Variants in RAVER1 observed in about 807,000 individuals in gnomAD.
The protein encoded by RAVER1 is ribonucleoprotein PTB-binding 1.
Under a neutral mutation model 68.4 loss-of-function variants are expected in RAVER1, and 36 were observed. The ratio of observed to expected loss-of-function variants is 0.53; its 90% CI spans 0.40 to 0.70. The LOEUF (loss-of-function observed/expected upper bound fraction) is 0.70. Ranked by LOEUF, RAVER1 falls within the 30% of genes least tolerant of loss-of-function variation. The pLI, the probability that RAVER1 is intolerant of heterozygous loss-of-function variation, is 0.00. For synonymous variants in RAVER1, 469 were observed against 472.7 expected, an observed-to-expected ratio of 0.99 and a Z score of 0.10; for missense variants, 933 against 1,019.8, an observed-to-expected ratio of 0.91 and a Z score of 1.16.
chr19:10,325,946 T>A (rs1444270803), intron 3 of RAVER1, among the ~76,000 whole-genome samples: 3 of 152,040 alleles, frequency 2.0e-5, no homozygotes, highest in African/African-American at 7.3e-5. Flanking sequence ...CCCTGTGACC[T>A]TTGATCTCCA....
chr19:10,321,143 C>T lies in RAVER1; in HGVS notation c.1378G>A (p.Ala460Thr). 7.8e-7 allele frequency: 1 copy of T among 1,289,792 alleles called. No homozygotes were observed. The highest frequency in any genetic ancestry group is 9.8e-7 in the Non-Finnish European group (1 of 1,016,974). 79.9% of individuals were successfully genotyped at this position (1,289,792 alleles called of 1,614,324 possible). ...GGGGCGGGGGGAGGAGTGAGCTGGGCCGCTGGGGGACCCAAGCCCAGGGCC... is the reference window on the plus strand; with the variant it reads ...GGGGCGGGGGGAGGAGTGAGCTGGGTCGCTGGGGGACCCAAGCCCAGGGCC... ...REALGLGPPA[A>T]QLTPPPAPVG... The change falls in exon 8 of 13, where the codon GCC becomes ACC. Residue 460 changes from alanine to threonine, a missense_variant. By Grantham distance (58) the Ala-to-Thr change is moderately conservative. Transcript: ENST00000617231.
rs1284368653 is a variant in RAVER1, at chr19:10,333,525, C to T, written c.-18G>A. On this transcript the variant is annotated 5_prime_UTR_variant, in exon 1 of 13. Transcript: ENST00000617231. The surrounding 1 kb of genome is among the most constrained non-coding windows in gnomAD (Gnocchi z 4.2). The stretch of plus-strand genomic sequence containing the variant: ...GCCGCCATCTTGGGAAACCCGGCGC[C>T]TTCTGGGACCAGCGAGCCGGGGCGG... 2 of 1,590,430 alleles carry T rather than the reference C, an allele frequency of 1.3e-6. No homozygotes were observed. Among genetic ancestry groups the T allele is most frequent in the South Asian group, 1.1e-5 (1 of 90,606 alleles).
chr19:10,321,597 A>T lies in RAVER1; in HGVS notation c.1195T>A (p.Ser399Thr), dbSNP rs370654490. The T allele has an allele frequency of 2.8e-6, 4 of 1,406,542 alleles. No homozygotes were observed. In the African/African-American group the frequency reaches 4.5e-5, roughly 16 times the overall value. The allele number at this position is 1,406,542 out of a possible 1,614,324, so 87.1% of individuals were successfully genotyped here. A position where few individuals can be genotyped will look rare whatever the true frequency, so the allele number is the denominator to read the frequency against. The change falls in exon 7 of 13, where the codon TCA becomes ACA. Residue 399 changes from serine to threonine, a missense_variant. Ser to Thr is a moderately conservative substitution (Grantham distance 58). Coordinates refer to ENST00000617231, the MANE Select transcript of RAVER1 (RefSeq NM_133452.3). ...CCAGGCTGGAGGGCGCCCAGGGGTG[A>T]GTCTCCCAGGATGCCGGGCTTCTAG... ...GQKKPGILGDSPLGALQPGAQ... is the reference protein window; with the variant it reads ...GQKKPGILGDTPLGALQPGAQ...
rs1362083156 is a variant in RAVER1, at chr19:10,328,979, G to T, written c.419C>A (p.Pro140His). ...GAACTGCTGCTGTGTGAGGCTGGGGGGCAGGTTGGCCACACACAGCAGGGC... is the reference window on the plus strand; with the variant it reads ...GAACTGCTGCTGTGTGAGGCTGGGGTGCAGGTTGGCCACACACAGCAGGGC... The part of the protein sequence containing the change: ...TDALLCVANL[P>H]PSLTQQQFEE... The change falls in exon 3 of 13, where the codon CCC (proline) becomes CAC (histidine). Residue 140 changes from proline (P) to histidine (H), a missense_variant. Pro to His is a moderately conservative substitution (Grantham distance 77, BLOSUM62 -2). Coordinates refer to ENST00000617231, the MANE Select transcript of RAVER1 (RefSeq NM_133452.3). This position sits in a 1 kb window ranked among gnomAD's most constrained non-coding sequence, Gnocchi z 4.4. 1 of 1,596,202 alleles carries T rather than the reference G, an allele frequency of 6.3e-7. No individual in the cohort carries two copies. The highest frequency in any genetic ancestry group is 1.7e-5 in the Admixed American group (1 of 59,052).
rs1298871074 is a variant in RAVER1 at position 10,330,546 on chromosome 19, A to G, written c.220-20T>C. On this transcript the variant is annotated intron_variant, in intron 1 of 12. Coordinates refer to ENST00000617231, the MANE Select transcript of RAVER1 (RefSeq NM_133452.3). ...TACTTCCTGTGGAGATACAAGACAA[A>G]AGACAGGGAGTTACTGGAGATGGAA... The G allele has an allele frequency of 7.8e-7, 1 of 1,277,058 alleles. No homozygotes were observed. Among genetic ancestry groups the G allele is most frequent in the Non-Finnish European group, 1.1e-6 (1 of 893,680 alleles). 79.1% of individuals were successfully genotyped at this position (1,277,058 alleles called of 1,614,324 possible). A position where few individuals can be genotyped will look rare whatever the true frequency, so the allele number is the denominator to read the frequency against.
rs773784315 is a variant in RAVER1, at chr19:10,320,656, G to C, written c.1769C>G (p.Ser590Trp). 3 of 1,550,478 alleles carry C rather than the reference G, an allele frequency of 1.9e-6. No homozygotes were observed. Among genetic ancestry groups the C allele is most frequent in the Non-Finnish European group, 2.6e-6 (3 of 1,151,336 alleles). The part of the protein sequence containing the change: ...LSDSYSFDYP[S>W]DMGPRRLFSH... ...AGAGAGCTGCAGCCAGGCACTCACCGAGGGGTAGTCGAAGCTGTAGCTGTC... is the reference window on the plus strand; with the variant it reads ...AGAGAGCTGCAGCCAGGCACTCACCCAGGGGTAGTCGAAGCTGTAGCTGTC... Residue 590 changes from serine (S) to tryptophan (W), a missense_variant and splice_region_variant, in exon 9 of 13, where the codon TCG (serine) becomes TGG (tryptophan). Physicochemically the swap from Ser to Trp is radical, Grantham distance 177 (BLOSUM62 -3). This residue lies in a region of RAVER1 where 699 missense variants were observed against 731.1 expected (regional missense o/e 0.96). Coordinates refer to ENST00000617231, the MANE Select transcript of RAVER1 (RefSeq NM_133452.3).
intron 11 of RAVER1, 25 bp downstream of exon 11, chr19:10,318,204 G>A: frequency 6.3e-7 from 1 of 1,586,054 alleles, no homozygotes; most frequent in South Asian, 1.1e-5. Flanking sequence ...CAGGGGGCCT[G>A]TGCTTGGCCA....
Position 10,317,225 on chromosome 19 carries a change from A to AG in RAVER1, c.*228dup. ...AGCAGGCCGGGGCCCCTCTCTCTTA[A>AG]GGCTGCAGGGTTTCAGCGTGGGGAG... On this transcript the variant is annotated 3_prime_UTR_variant, in exon 13 of 13. Transcript: ENST00000617231. The surrounding 1 kb of genome is among the most constrained non-coding windows in gnomAD (Gnocchi z 4.3). 1 of 569,594 alleles carries AG rather than the reference A, an allele frequency of 1.8e-6. No homozygotes were observed. 35.3% of individuals were successfully genotyped at this position (569,594 alleles called of 1,614,324 possible). A position where few individuals can be genotyped will look rare whatever the true frequency, so the allele number is the denominator to read the frequency against.
intron 3 of RAVER1, among the ~76,000 whole-genome samples, chr19:10,327,760 G>A (rs573329022): frequency 1.3e-5 from 2 of 152,338 alleles, no homozygotes; most frequent in African/African-American, 4.8e-5. Flanking sequence ...AGCAACTGAA[G>A]GTTACGTACT....
In RAVER1 at chr19:10,322,558, TC is replaced by T; in HGVS notation, c.1173+86del. 5 of 992,788 alleles carry T rather than the reference TC, an allele frequency of 5.0e-6. No individual in the cohort carries two copies. Among genetic ancestry groups the T allele is most frequent in the Admixed American group, 3.6e-5 (1 of 28,026 alleles). The allele number at this position is 992,788 out of a possible 1,614,324, so 61.5% of individuals were successfully genotyped here. The stretch of plus-strand genomic sequence containing the variant: ...TGCGCCCCCAGGGCACAGCCAGAGG[TC>T]CCCCCACCCCACCGATCGCACCAGC... On this transcript the variant is annotated intron_variant, in intron 6 of 12. Coordinates refer to ENST00000617231, the MANE Select transcript of RAVER1 (RefSeq NM_133452.3). The surrounding 1 kb of genome is among the most constrained non-coding windows in gnomAD (Gnocchi z 4.3).
In RAVER1 at chr19:10,319,669, G is replaced by A. The variant is rs1470674063; in HGVS notation, c.1771-429C>T. On this transcript the variant is annotated intron_variant, in intron 9 of 12. Coordinates refer to ENST00000617231, the MANE Select transcript of RAVER1 (RefSeq NM_133452.3). ...ACAATCTTGGCTCACCACAACCTCC[G>A]CCTCCCAGGTTCAAGTGATTCTCCT... Among the ~76,000 whole-genome samples the A allele has an allele frequency of 2.6e-5, 4 of 151,374 alleles. No individual in the cohort carries two copies. In the East Asian group the frequency reaches 5.8e-4, roughly 22 times the overall value.
At chr19:10,330,941 G>A (rs906710178) in intron 1 of RAVER1, among the ~76,000 whole-genome samples, 5 of 151,996 alleles carry the variant, frequency 3.3e-5, no homozygotes, top group African/African-American at 1.2e-4. Context: ...GCGCACACCT[G>A]TAATCCTAGC....
At chr19:10,319,878 G>A (rs2040421063) in intron 9 of RAVER1, among the ~76,000 whole-genome samples, 1 of 151,678 alleles carries the variant, frequency 6.6e-6, no homozygotes. Context: ...GACCTCAGGT[G>A]ATCTGCCCGC....
Position 10,317,664 on chromosome 19 carries a change from T to C in RAVER1, c.2073+26A>G. On this transcript the variant is annotated intron_variant, in intron 12 of 12. Transcript: ENST00000617231. The surrounding 1 kb of genome is among the most constrained non-coding windows in gnomAD (Gnocchi z 4.3). ...CTGGGGGGCCGGGGCTTCCCAGCCC[T>C]GCATGTCCCCACCCCCTGCCCGTAC... is the stretch of plus-strand genomic sequence containing the variant. 6.5e-7 allele frequency: 1 copy of C among 1,546,658 alleles called. No homozygotes were observed. Among genetic ancestry groups the C allele is most frequent in the Non-Finnish European group, 8.8e-7 (1 of 1,139,362 alleles).
rs1367614592 is a variant in RAVER1 at position 10,319,169 on chromosome 19, G to C, written c.1842C>G (p.His614Gln). The C allele has an allele frequency of 5.6e-6, 9 of 1,613,708 alleles. No individual in the cohort carries two copies. Among genetic ancestry groups the C allele is most frequent in the African/African-American group, 1.3e-5 (1 of 74,944 alleles). Residue 614 changes from histidine to glutamine, a missense_variant, in exon 10 of 13, where the codon CAC becomes CAG. By Grantham distance (24) the His-to-Gln change is conservative. Around this residue, in one of 3 missense-constraint regions of RAVER1, gnomAD observed 699 missense variants for 731.1 expected, o/e 0.96. Coordinates refer to ENST00000617231, the MANE Select transcript of RAVER1 (RefSeq NM_133452.3). The stretch of plus-strand genomic sequence containing the variant: ...TGCCATACCAGGTGGCTCTTACCTT[G>C]TGTCGGCTGGGTCCGTGAGGCCCAA... The part of the protein sequence containing the change: ...PALGPHGPSR[H>Q]KMSPPPSGFG...
chr19:10,319,040 G>A (rs1443942375), intron 10 of RAVER1, 126 bp downstream of exon 10: 51 of 847,138 alleles, frequency 6.0e-5, no homozygotes, highest in Non-Finnish European at 8.7e-5. Flanking sequence ...GTGAGATCCT[G>A]TCTTAAAAAA....
Position 10,316,701 on chromosome 19 carries a change from G to T in RAVER1, c.*753C>A. 5.4e-6 allele frequency: 2 copies of T among 367,878 alleles called. No individual in the cohort carries two copies. The highest frequency in any genetic ancestry group is 6.4e-5 in the Admixed American group (1 of 15,538). 22.8% of individuals were successfully genotyped at this position (367,878 alleles called of 1,614,324 possible). A position where few individuals can be genotyped will look rare whatever the true frequency, so the allele number is the denominator to read the frequency against. ...GTCCCCAGGGTGGAGATCCTGGGTA[G>T]GGTGGCCCAATCCCTAGGCCAGAGC... On this transcript the variant is annotated 3_prime_UTR_variant, in exon 13 of 13. Transcript: ENST00000617231.
chr19:10,321,348 G>T (rs964853713), intron 7 of RAVER1, 89 bp from the exon 8 acceptor site: 2 of 814,744 alleles, frequency 2.5e-6, no homozygotes, highest in Admixed American at 4.3e-5. Context: ...CAGGGCCCAG[G>T]GGTCAAGAGA....
rs555061138 is a variant in RAVER1, at chr19:10,331,077, C to T, written c.220-551G>A. 4.5e-5 allele frequency among the ~76,000 whole-genome samples: 6 copies of T among 132,898 alleles called. No homozygotes were observed. The East Asian group carries it at 7.4e-4, about 16-fold the overall frequency. The allele number at this position is 132,898 out of a possible 152,430, so 87.2% of individuals were successfully genotyped here. On this transcript the variant is annotated intron_variant, in intron 1 of 12. Transcript: ENST00000617231. Reference sequence around the variant, plus strand: ...ACAACAATAACAACAAGGCCGGGCGCGGTGGCTCACGCCTGTAATCCCAGC... The same window carrying T: ...ACAACAATAACAACAAGGCCGGGCGTGGTGGCTCACGCCTGTAATCCCAGC...
Sources: gnomAD v4.1 joint callset for allele counts (sites outside exome capture counted in the v4.1 genomes callset) on GRCh38, gnomAD v4.1.1 for gene constraint, gnomAD v4.1.1 regional missense constraint, Gnocchi (gnomAD v3.1) non-coding constraint, MANE v1.5 for transcripts, NCBI Gene and HGNC (gene_info 2026-07-23, HGNC 2026-07-21) for gene names.